LTAP1: variants seen among roughly 807,000 people sequenced by gnomAD.
LTAP1 encodes HCV NS5A-transactivated protein 4.
At chr1:154,209,523 A>G in the LTAP1 span, among the ~76,000 whole-genome samples, 1 of 146,412 alleles carries the variant, frequency 6.8e-6, no homozygotes, top group Non-Finnish European at 1.5e-5. Flanking sequence ...CCTCCCAGGC[A>G]CAAGTGGTAC....
At chr1:154,209,119 A>G in the LTAP1 span, among the ~76,000 whole-genome samples, 1 of 152,180 alleles carries the variant, frequency 6.6e-6, no homozygotes, top group South Asian at 2.1e-4. Context: ...AAGAATTTTT[A>G]AATGTATGGT....
chr1:154,212,488 A>G, the LTAP1 span: 1 of 1,614,204 alleles, frequency 6.2e-7, no homozygotes, highest in Non-Finnish European at 8.5e-7. Context: ...TTTCATAGCC[A>G]TCCAAAAGGG....
chr1:154,207,601 G>A, the LTAP1 span: 1 of 1,613,394 alleles, frequency 6.2e-7, no homozygotes, highest in Non-Finnish European at 8.5e-7. Context: ...TAGGTCTTTG[G>A]CTGCTGACTG....
the LTAP1 span, among the ~76,000 whole-genome samples, chr1:154,215,042 A>C: frequency 9.9e-4 from 151 of 151,906 alleles, 3 homozygotes; most frequent in Admixed American, 8.2e-3. Context: ...ATGGGGTTTC[A>C]CCATGTTGGC....
the LTAP1 span, among the ~76,000 whole-genome samples, chr1:154,218,006 T>A: frequency 6.6e-6 from 1 of 152,328 alleles, no homozygotes; most frequent in East Asian, 1.9e-4. Flanking sequence ...CATAGCTCAC[T>A]GCAGTCTGTA....
At chr1:154,208,231 C>A in the LTAP1 span, among the ~76,000 whole-genome samples, 57 of 152,150 alleles carry the variant, frequency 3.7e-4, 2 homozygotes, top group East Asian at 0.01. Flanking sequence ...AAGTGAGACC[C>A]TATCTCTGCA....
the LTAP1 span, chr1:154,213,102 T>C: frequency 6.4e-6 from 1 of 156,698 alleles, no homozygotes; most frequent in African/African-American, 2.4e-5. Flanking sequence ...AGGTCAGGAG[T>C]TTGAGACCAG....
the LTAP1 span, among the ~76,000 whole-genome samples, chr1:154,211,484 G>A: frequency 1.3e-5 from 2 of 150,238 alleles, no homozygotes; most frequent in East Asian, 2.0e-4. Flanking sequence ...TTACAGGCAC[G>A]CACCACCATG....
chr1:154,210,592 C>G, the LTAP1 span, among the ~76,000 whole-genome samples: 8 of 152,164 alleles, frequency 5.3e-5, no homozygotes, highest in Admixed American at 3.9e-4. Flanking sequence ...ATTCTCCTGC[C>G]TCACCTTCCT....
the LTAP1 span, chr1:154,220,477 C>A: frequency 6.3e-7 from 1 of 1,586,576 alleles, no homozygotes; most frequent in Middle Eastern, 1.7e-4. Context: ...CAGGCTCCGC[C>A]GAAGCGACGG....
chr1:154,219,819 G>A, the LTAP1 span: 1 of 1,545,406 alleles, frequency 6.5e-7, no homozygotes, highest in South Asian at 1.2e-5. Flanking sequence ...TGTTTAACTT[G>A]TGCCCTAAGG....
the LTAP1 span, chr1:154,214,025 C>A: frequency 4.7e-5 from 64 of 1,358,084 alleles, no homozygotes; most frequent in Non-Finnish European, 4.2e-5. Context: ...TGCCTGTAAT[C>A]CCAACACTTT....
chr1:154,213,230 C>G, the LTAP1 span: 1 of 152,678 alleles, frequency 6.5e-6, no homozygotes, highest in Non-Finnish European at 1.5e-5. Context: ...CCGCTTGAAC[C>G]CAGGAGGTGG....
chr1:154,217,149 G>A, the LTAP1 span, among the ~76,000 whole-genome samples: 9 of 148,570 alleles, frequency 6.1e-5, no homozygotes, highest in South Asian at 2.1e-4. Flanking sequence ...GGGTTTCACC[G>A]TGTTGGCCAG....
At chr1:154,216,967 T>G in the LTAP1 span, among the ~76,000 whole-genome samples, 1 of 151,642 alleles carries the variant, frequency 6.6e-6, no homozygotes, top group Non-Finnish European at 1.5e-5. Flanking sequence ...TTTTTTTTTT[T>G]GATACAGAGA....
chr1:154,215,297 T>C, the LTAP1 span, among the ~76,000 whole-genome samples: 1 of 151,292 alleles, frequency 6.6e-6, no homozygotes, highest in Admixed American at 6.6e-5. Flanking sequence ...CCGGGTGCTG[T>C]GGCTCACGCC....
chr1:154,220,308 C>G, the LTAP1 span: 1 of 1,612,130 alleles, frequency 6.2e-7, no homozygotes, highest in Non-Finnish European at 8.5e-7. Flanking sequence ...GGGTAAGATG[C>G]GACAGCAGGA....
the LTAP1 span, chr1:154,214,625 C>A: frequency 1.1e-5 from 13 of 1,197,238 alleles, no homozygotes; most frequent in African/African-American, 4.5e-5. Flanking sequence ...ACTCTGCTTT[C>A]CACCAATGTG....
At chr1:154,216,427 T>G in the LTAP1 span, among the ~76,000 whole-genome samples, 5 of 151,944 alleles carry the variant, frequency 3.3e-5, no homozygotes, top group Non-Finnish European at 7.4e-5. Flanking sequence ...CTCCACCTCC[T>G]GAGCTCAGAT....
Sources: allele counts gnomAD v4.1 joint callset (sites outside exome capture counted in the v4.1 genomes callset), GRCh38; gene constraint gnomAD v4.1.1; transcripts MANE v1.5; gene names NCBI Gene and HGNC (gene_info 2026-07-23, HGNC 2026-07-21).